The following ASXL1 variants were observed in gnomAD, a reference collection of about 807,000 sequenced individuals.
ASXL1 encodes ASXL transcriptional regulator 1, also known as polycomb group protein ASXL1.
Under a neutral mutation model 89.1 loss-of-function variants are expected in ASXL1, and 65 were observed. That is an observed-to-expected ratio of 0.73 (90% CI 0.60 to 0.90). ASXL1 has a LOEUF of 0.90. ASXL1 is among the 40% of genes least tolerant of loss of function. The pLI is 0.00. For synonymous variants in ASXL1, 739 were observed against 746.9 expected (o/e 0.99, Z 0.17); for missense variants, 1,786 against 1,942.9 (o/e 0.92, Z 1.52).
rs2123265098 is a variant in ASXL1 at position 32,433,698 on chromosome 20, C to A, written c.1500C>A (p.Ala500=). 6.2e-7 allele frequency: 1 copy of A among 1,611,870 alleles called. No individual in the cohort carries two copies. Among genetic ancestry groups the A allele is most frequent in the Non-Finnish European group, 8.5e-7 (1 of 1,178,230 alleles). ...IQAEPDNLAR[A]SASPDRIPSL... is the part of the protein sequence containing the mutation. The stretch of plus-strand genomic sequence containing the variant: ...CTGAGCCAGACAACTTGGCACGTGC[C>A]TCTGCATCTCCAGACAGAATTCCTA... Residue 500 remains alanine, a synonymous_variant, in exon 12 of 13, where the codon GCC becomes GCA. Coordinates refer to ENST00000375687, the MANE Select transcript of ASXL1 (RefSeq NM_015338.6).
rs777666293 is a variant in ASXL1, at chr20:32,435,092, A to G, written c.2380A>G (p.Thr794Ala). 6.2e-7 allele frequency: 1 copy of G among 1,613,984 alleles called. No homozygotes were observed. Among genetic ancestry groups the G allele is most frequent in the South Asian group, 1.1e-5 (1 of 91,074 alleles). The change falls in exon 13 of 13, where the codon ACT becomes GCT. Residue 794 changes from threonine to alanine, a missense_variant. Physicochemically the swap from Thr to Ala is moderately conservative, Grantham distance 58 (BLOSUM62 0). Transcript: ENST00000375687. ...TAGAACTGAATGTGAGTCTGGCACC[A>G]CTTCCTGGGAAAGTGATGATGAGGA... is the stretch of plus-strand genomic sequence containing the variant. ...DVRTECESGT[T>A]SWESDDEEQG...
At position 32,436,859 on chromosome 20, in the gene ASXL1, G is replaced by A. The variant is rs143770363; in HGVS notation, c.4147G>A (p.Glu1383Lys). 8 of 1,614,160 alleles carry A rather than the reference G, an allele frequency of 5.0e-6. No homozygotes were observed. The highest frequency in any genetic ancestry group is 2.2e-5 in the East Asian group (1 of 44,882). The change falls in exon 13 of 13, where the codon GAG becomes AAG. Residue 1383 changes from glutamate (E) to lysine (K), a missense_variant. Glu to Lys is a moderately conservative substitution (Grantham distance 56). Transcript: ENST00000375687. ...FVGGPLKANA[E>K]NRKATGHSPL... ...GGGGGGTCCTCTTAAGGCAAATGCC[G>A]AGAACAGGAAAGCTACTGGGCATAG...
intron 8 of ASXL1, 39 bp from the exon 9 acceptor site, chr20:32,431,282 T>C (rs772253887): frequency 2.5e-6 from 4 of 1,613,958 alleles, no homozygotes; most frequent in Non-Finnish European, 1.7e-6. Context: ...TTTTTTCTTT[T>C]AAAAAGCTGA....
intron 4 of ASXL1, among the ~76,000 whole-genome samples, chr20:32,392,047 T>G (rs1334046731): frequency 6.6e-6 from 1 of 152,080 alleles, no homozygotes; most frequent in Non-Finnish European, 1.5e-5. Context: ...GTCTTTTACT[T>G]GGGATGCTTG....
intron 4 of ASXL1, among the ~76,000 whole-genome samples, chr20:32,381,125 A>G (rs2048478779): frequency 6.6e-6 from 1 of 152,228 alleles, no homozygotes; most frequent in African/African-American, 2.4e-5. Context: ...AACTTCTTGC[A>G]CATAATAGGT....
At chr20:32,381,590 C>CT (rs2048486889) in intron 4 of ASXL1, among the ~76,000 whole-genome samples, 1 of 150,928 alleles carries the variant, frequency 6.6e-6, no homozygotes, top group Non-Finnish European at 1.5e-5. Flanking sequence ...TCTCGGCTCA[C>CT]TGCAAGCTCC....
In ASXL1 at chr20:32,432,929, G is replaced by A. The variant is rs2011567877; in HGVS notation, c.1029G>A (p.Lys343=). 1.9e-6 allele frequency: 3 copies of A among 1,613,976 alleles called. No homozygotes were observed. Among genetic ancestry groups the A allele is most frequent in the Non-Finnish European group, 2.5e-6 (3 of 1,179,998 alleles). ...MQVRIRQEME[K]EKKVEQWKEK... ...TCAGGATACGACAGGAAATGGAGAA[G>A]GAAAAGAAGGTGGAACAATGGAAAG... Residue 343 remains lysine, a synonymous_variant, in exon 11 of 13, where the codon AAG becomes AAA. Coordinates refer to ENST00000375687, the MANE Select transcript of ASXL1 (RefSeq NM_015338.6).
chr20:32,397,211 T>C lies in ASXL1; in HGVS notation c.252+28088T>C, dbSNP rs1301075209. 7.4e-3 allele frequency among the ~76,000 whole-genome samples: 987 copies of C among 134,132 alleles called. 27 individuals carry two copies. Among genetic ancestry groups the C allele is most frequent in the African/African-American group, 0.026 (936 of 36,176 alleles). 88.0% of individuals were successfully genotyped at this position (134,132 alleles called of 152,430 possible). Reference sequence around the variant, plus strand: ...AGGGGTAAGCCCCCATGCCTGGCCTTTTTTTTTTTTTTTTTGTGGGGTGAG... The same window carrying C: ...AGGGGTAAGCCCCCATGCCTGGCCTCTTTTTTTTTTTTTTTGTGGGGTGAG... On this transcript the variant is annotated intron_variant, in intron 4 of 12. Transcript: ENST00000375687.
Position 32,436,737 on chromosome 20 carries a change from C to T in ASXL1, c.4025C>T (p.Thr1342Ile). 1 of 1,614,136 alleles carries T rather than the reference C, an allele frequency of 6.2e-7. No individual in the cohort carries two copies. Among genetic ancestry groups the T allele is most frequent in the Non-Finnish European group, 8.5e-7 (1 of 1,180,040 alleles). Reference protein sequence around the residue: ...VFPSGKLGPSTNSMSGGVQTP... With the variant: ...VFPSGKLGPSINSMSGGVQTP... ...CCCAGTGGGAAGTTGGGACCAAGCACAAACTCCATGTCTGGTGGGGTACAG... is the reference window on the plus strand; with the variant it reads ...CCCAGTGGGAAGTTGGGACCAAGCATAAACTCCATGTCTGGTGGGGTACAG... The change falls in exon 13 of 13, where the codon ACA becomes ATA. Residue 1342 changes from threonine (T) to isoleucine (I), a missense_variant. Thr to Ile is a moderately conservative substitution (Grantham distance 89). Around this residue, in one of 3 missense-constraint regions of ASXL1, gnomAD observed 1,418 missense variants for 1,427.8 expected, o/e 0.99. Transcript: ENST00000375687.
chr20:32,408,440 A>G (rs996570852), intron 4 of ASXL1, among the ~76,000 whole-genome samples: 1 of 152,096 alleles, frequency 6.6e-6, no homozygotes, highest in Non-Finnish European at 1.5e-5. Context: ...TTTTATACCA[A>G]TATTTTACTC....
At chr20:32,432,201 A>T (rs2011538007) in intron 10 of ASXL1, among the ~76,000 whole-genome samples, 1 of 152,246 alleles carries the variant, frequency 6.6e-6, no homozygotes, top group Admixed American at 6.5e-5. Flanking sequence ...AAGTAAAATC[A>T]GCAGATGGAG....
intron 4 of ASXL1, among the ~76,000 whole-genome samples, chr20:32,376,393 G>A (rs1600487614): frequency 6.6e-6 from 1 of 152,138 alleles, no homozygotes; most frequent in East Asian, 1.9e-4. Flanking sequence ...TCCTGCCTCA[G>A]CCTCTTGAGT....
intron 4 of ASXL1, among the ~76,000 whole-genome samples, chr20:32,395,483 C>G (rs1460190879): frequency 6.6e-6 from 1 of 152,004 alleles, no homozygotes; most frequent in Non-Finnish European, 1.5e-5. Context: ...TTATTATATA[C>G]TTTGTTGTAG....
At chr20:32,398,609 T>TTG (rs2048811311) in intron 4 of ASXL1, among the ~76,000 whole-genome samples, 1 of 147,292 alleles carries the variant, frequency 6.8e-6, no homozygotes, top group Admixed American at 6.8e-5. Context: ...GTTTGTTTTT[T>TTG]TTTTTGTTTT....
At chr20:32,433,015 C>A in intron 11 of ASXL1, 30 bp downstream of exon 11, 4 of 1,611,728 alleles carry the variant, frequency 2.5e-6, no homozygotes, top group East Asian at 2.2e-5. Flanking sequence ...GAGTCCTGGT[C>A]TGGGGTTTTG....
intron 4 of ASXL1, among the ~76,000 whole-genome samples, chr20:32,370,503 C>A (rs979023351): frequency 1.6e-4 from 25 of 152,126 alleles, no homozygotes; most frequent in Non-Finnish European, 2.6e-4. Context: ...ACTTTGTCGA[C>A]CCCTGATTTA....
intron 1 of ASXL1, chr20:32,359,303 A>G (rs540581898): frequency 3.7e-5 from 26 of 702,560 alleles, no homozygotes; most frequent in Non-Finnish European, 6.0e-5. Context: ...AAGGACGCCA[A>G]TGGCATGTTG....
intron 2 of ASXL1, 130 bp from the exon 3 acceptor site, chr20:32,367,597 G>T: frequency 1.4e-6 from 1 of 715,430 alleles, no homozygotes; most frequent in Non-Finnish European, 2.6e-6. Context: ...GATTGAGATT[G>T]TCTACATCAC....
chr20:32,424,113 T>C (rs1244350180), intron 4 of ASXL1, among the ~76,000 whole-genome samples: 7 of 152,226 alleles, frequency 4.6e-5, no homozygotes. Context: ...AATTTTGATT[T>C]AGCTCTTGGT....
Sources: gnomAD v4.1 joint callset for allele counts (sites outside exome capture counted in the v4.1 genomes callset) on GRCh38, gnomAD v4.1.1 for gene constraint, gnomAD v4.1.1 regional missense constraint, MANE v1.5 for transcripts, NCBI Gene and HGNC (gene_info 2026-07-23, HGNC 2026-07-21) for gene names.